The following CTBP2 variants were observed in gnomAD, a reference collection of about 807,000 sequenced individuals.
CTBP2 encodes C-terminal binding protein 2, also known as C-terminal-binding protein 2.
A neutral mutation model predicts 80.3 loss-of-function variants in CTBP2; 30 were observed. The ratio of observed to expected loss-of-function variants is 0.37; its 90% CI spans 0.28 to 0.51. CTBP2 has a LOEUF of 0.51. Ranked by LOEUF, CTBP2 falls within the 20% of genes least tolerant of loss-of-function variation. The pLI, the probability that CTBP2 is intolerant of heterozygous loss-of-function variation, is 0.93. For missense variants in CTBP2, 1,212 were observed against 1,375.3 expected (o/e 0.88, Z 1.88); for synonymous variants, 594 against 587.4 (o/e 1.01, Z -0.16).
intron 1 of CTBP2, among the ~76,000 whole-genome samples, chr10:125,024,200 G>A (rs1310279799): frequency 2.0e-5 from 3 of 152,310 alleles, no homozygotes; most frequent in South Asian, 4.1e-4. Flanking sequence ...CAGCTGAAGC[G>A]CTACCAGGGA....
intron 2 of CTBP2, among the ~76,000 whole-genome samples, chr10:125,063,562 A>G (rs1299766853): frequency 1.3e-5 from 2 of 152,236 alleles, no homozygotes; most frequent in African/African-American, 4.8e-5. Context: ...TAAAATGCTC[A>G]TCCTCTGGCT....
At chr10:125,046,771 C>T (rs921728286) in intron 2 of CTBP2, among the ~76,000 whole-genome samples, 9 of 152,202 alleles carry the variant, frequency 5.9e-5, no homozygotes, top group Non-Finnish European at 1.2e-4. Flanking sequence ...AGGCTCTGGG[C>T]TGCCACACAG....
At position 124,988,059 on chromosome 10, in the gene CTBP2, A is replaced by G. The variant is rs1386072174; in HGVS notation, c.*1459T>C. On this transcript the variant is annotated 3_prime_UTR_variant, in exon 9 of 9. Coordinates refer to ENST00000309035, the MANE Select transcript of CTBP2 (RefSeq NM_022802.3). The stretch of plus-strand genomic sequence containing the variant: ...ATTAAAGTCAGAACTCTAAAAGTTG[A>G]GCAACTTTGTTTTTTTTTGAATTGA... 6.7e-6 allele frequency: 1 copy of G among 148,510 alleles called. No homozygotes were observed. The highest frequency in any genetic ancestry group is 1.5e-5 in the Non-Finnish European group (1 of 67,282). The allele number at this position is 148,510 out of a possible 1,614,324, so 9.2% of individuals were successfully genotyped here. A position where few individuals can be genotyped will look rare whatever the true frequency, so the allele number is the denominator to read the frequency against.
At chr10:124,996,032 C>G (rs927655177) in intron 4 of CTBP2, 5 of 147,932 alleles carry the variant, frequency 3.4e-5, no homozygotes, top group African/African-American at 1.3e-4. Flanking sequence ...TGAACCGTGC[C>G]GACGGCTATT....
intron 2 of CTBP2, among the ~76,000 whole-genome samples, chr10:125,094,157 A>C (rs1564903007): frequency 6.6e-6 from 1 of 152,188 alleles, no homozygotes; most frequent in Non-Finnish European, 1.5e-5. Flanking sequence ...GCAGGCGGTA[A>C]GTTACGCCTG....
At chr10:125,044,490 A>G (rs1167481737) in intron 2 of CTBP2, among the ~76,000 whole-genome samples, 1 of 152,274 alleles carries the variant, frequency 6.6e-6, no homozygotes, top group Non-Finnish European at 1.5e-5. Context: ...CACATTCCAT[A>G]GGCTTCAGAA....
chr10:125,134,664 G>A (rs76928654), intron 1 of CTBP2, among the ~76,000 whole-genome samples: 10,843 of 152,100 alleles, frequency 0.071, 560 homozygotes, highest in Middle Eastern at 0.13. Context: ...CCAGACACGC[G>A]GCGCGGGAGG....
At chr10:125,003,561 TC>T (rs1441835773) in intron 1 of CTBP2, 69 bp from the exon 4 acceptor site, 28 of 1,262,280 alleles carry the variant, frequency 2.2e-5, no homozygotes, top group Non-Finnish European at 2.9e-5. Context: ...GAGGGGCAGC[TC>T]CCCACTCATC....
intron 2 of CTBP2, among the ~76,000 whole-genome samples, chr10:125,077,165 C>A (rs1407169964): frequency 6.6e-6 from 1 of 152,148 alleles, no homozygotes; most frequent in Non-Finnish European, 1.5e-5. Context: ...AAATGAAATG[C>A]GTGTCAGGCA....
chr10:125,098,235 G>A lies in CTBP2; in HGVS notation c.-102+12755C>T, dbSNP rs370080548. Among the ~76,000 whole-genome samples, 37 of 152,172 alleles carry A rather than the reference G, an allele frequency of 2.4e-4. No homozygotes were observed. The East Asian group carries it at 5.6e-3, about 23-fold the overall frequency. ...TTTCTTTTTTGCCAAGCACTGAGAC[G>A]GTCCCAGCCATCAGTCCACAGGTGT... On this transcript the variant is annotated intron_variant, in intron 2 of 10. Coordinates refer to the CTBP2 transcript ENST00000337195.
At chr10:125,124,324 G>A (rs1295243782) in intron 1 of CTBP2, among the ~76,000 whole-genome samples, 2 of 152,194 alleles carry the variant, frequency 1.3e-5, no homozygotes, top group African/African-American at 4.8e-5. Flanking sequence ...CTCGACGCTA[G>A]CACTCCCGGT....
At chr10:125,136,979 C>T (rs1253305671) in intron 1 of CTBP2, among the ~76,000 whole-genome samples, 2 of 152,316 alleles carry the variant, frequency 1.3e-5, no homozygotes, top group East Asian at 1.9e-4. Flanking sequence ...GGACACAGGT[C>T]ACCAAACCTG....
chr10:125,063,413 C>T lies in CTBP2; in HGVS notation c.-101-24258G>A, dbSNP rs116747996. 6.4e-3 allele frequency among the ~76,000 whole-genome samples: 982 copies of T among 152,310 alleles called. 14 individuals carry two copies. The highest frequency in any genetic ancestry group is 0.022 in the African/African-American group (897 of 41,564). The stretch of plus-strand genomic sequence containing the variant: ...GACTGAGCATTCACTCTTCTGCCCA[C>T]GTGAGGAACCAACAAAAGCTGGCAA... On this transcript the variant is annotated intron_variant, in intron 2 of 10. Transcript: ENST00000337195.
chr10:125,116,212 T>C (rs537613829), intron 1 of CTBP2, among the ~76,000 whole-genome samples: 1 of 152,044 alleles, frequency 6.6e-6, no homozygotes, highest in Non-Finnish European at 1.5e-5. Flanking sequence ...TGCCACAAGG[T>C]CCCAAGCAAA....
chr10:125,093,627 G>A lies in CTBP2; in HGVS notation c.-102+17363C>T, dbSNP rs553978263. On this transcript the variant is annotated intron_variant, in intron 2 of 10. Coordinates refer to the CTBP2 transcript ENST00000337195. ...CCCCCTCCCTTCTTTCGACACAGCTGGGTGGGAATGCAGTGACCTAATATC... is the reference window on the plus strand; with the variant it reads ...CCCCCTCCCTTCTTTCGACACAGCTAGGTGGGAATGCAGTGACCTAATATC... 2.0e-5 allele frequency among the ~76,000 whole-genome samples: 3 copies of A among 152,310 alleles called. No individual in the cohort carries two copies. The South Asian group carries it at 6.2e-4, about 32-fold the overall frequency.
chr10:124,994,694 A>G lies in CTBP2; in HGVS notation c.2186-11T>C. 6.2e-7 allele frequency: 1 copy of G among 1,614,000 alleles called. No homozygotes were observed. Among genetic ancestry groups the G allele is most frequent in the Non-Finnish European group, 8.5e-7 (1 of 1,179,872 alleles). Reference sequence around the variant, plus strand: ...CCTGCCCCGTGCGACCTGTACAGAAACAGAGCGTCCAGGTGAGTGAGTCCA... The same window carrying G: ...CCTGCCCCGTGCGACCTGTACAGAAGCAGAGCGTCCAGGTGAGTGAGTCCA... On this transcript the variant is annotated splice_polypyrimidine_tract_variant and intron_variant, in intron 4 of 8. Coordinates refer to ENST00000309035, the MANE Select transcript of CTBP2 (RefSeq NM_022802.3).
intron 5 of CTBP2, 127 bp downstream of exon 7, chr10:124,994,342 G>C: frequency 1.1e-6 from 1 of 927,704 alleles, no homozygotes; most frequent in Non-Finnish European, 1.7e-6. Flanking sequence ...GTTTGTTGCA[G>C]GGCCTCTTCC....
intron 2 of CTBP2, among the ~76,000 whole-genome samples, chr10:125,090,725 C>CAGAG (rs1848645897): frequency 6.6e-6 from 1 of 151,604 alleles, no homozygotes; most frequent in Non-Finnish European, 1.5e-5. Context: ...CTGGCACTCA[C>CAGAG]CCTGGACGAC....
chr10:124,993,146 G>C, intron 7 of CTBP2, 56 bp downstream of exon 9: 1 of 1,563,780 alleles, frequency 6.4e-7, no homozygotes, highest in Non-Finnish European at 8.7e-7. Flanking sequence ...ACAGGAGCCG[G>C]CTGCACTGTG....
Sources: allele counts gnomAD v4.1 joint callset (sites outside exome capture counted in the v4.1 genomes callset), GRCh38; gene constraint gnomAD v4.1.1; transcripts MANE v1.5; gene names NCBI Gene and HGNC (gene_info 2026-07-23, HGNC 2026-07-21).